Variants in LRRTM3 observed in about 807,000 individuals in gnomAD.
The protein encoded by LRRTM3 is leucine rich repeat transmembrane neuronal 3.
Under a neutral mutation model 44.7 loss-of-function variants are expected in LRRTM3, and 24 were observed. That is an observed-to-expected ratio of 0.54 (90% CI 0.39 to 0.76). The LOEUF (loss-of-function observed/expected upper bound fraction) is 0.76. Among genes scored for constraint, LRRTM3 ranks in the 30% least tolerant of loss-of-function variants. The probability of loss-of-function intolerance (pLI) is 0.00; values close to 1 mark genes in which losing one functional copy is unlikely to be tolerated. For synonymous variants in LRRTM3, 277 were observed against 278.7 expected (o/e 0.99, Z 0.06); for missense variants, 587 against 702.2 (o/e 0.84, Z 1.85).
intron 2 of LRRTM3, among the ~76,000 whole-genome samples, chr10:66,975,925 T>C (rs2132850890): frequency 6.6e-6 from 1 of 152,352 alleles, no homozygotes; most frequent in East Asian, 1.9e-4. Flanking sequence ...ATAAAAGTCA[T>C]TTATTCTAAA....
chr10:67,075,707 A>G (rs1195015016), intron 2 of LRRTM3, among the ~76,000 whole-genome samples: 4 of 152,248 alleles, frequency 2.6e-5, no homozygotes, highest in Non-Finnish European at 5.9e-5. Context: ...TGCATTGAAT[A>G]TGAACTGAAC....
chr10:67,086,947 G>A (rs1857345948), intron 2 of LRRTM3, among the ~76,000 whole-genome samples: 2 of 151,764 alleles, frequency 1.3e-5, no homozygotes, highest in African/African-American at 4.8e-5. Context: ...AATTTCCAAG[G>A]GGATTAAAAA....
chr10:67,005,597 A>G (rs1207081755), intron 2 of LRRTM3, among the ~76,000 whole-genome samples: 1 of 151,720 alleles, frequency 6.6e-6, no homozygotes, highest in Non-Finnish European at 1.5e-5. Context: ...GAATCGGAAA[A>G]AAAGGTATGT....
intron 2 of LRRTM3, among the ~76,000 whole-genome samples, chr10:67,023,462 A>G (rs1286175454): frequency 6.6e-6 from 1 of 152,132 alleles, no homozygotes; most frequent in African/African-American, 2.4e-5. Context: ...TCTATAGAGA[A>G]CGATGACTAA....
At chr10:66,950,007 C>T (rs928471640) in intron 2 of LRRTM3, among the ~76,000 whole-genome samples, 3 of 152,148 alleles carry the variant, frequency 2.0e-5, no homozygotes, top group African/African-American at 7.2e-5. Context: ...CTGGGCTCAA[C>T]CTAGTCTTTC....
intron 2 of LRRTM3, among the ~76,000 whole-genome samples, chr10:66,941,512 C>A (rs576001279): frequency 6.6e-6 from 1 of 152,214 alleles, no homozygotes; most frequent in Non-Finnish European, 1.5e-5. Context: ...TCTTTCCTTT[C>A]AACTGTATGG....
intron 2 of LRRTM3, among the ~76,000 whole-genome samples, chr10:67,005,836 C>G (rs1851954020): frequency 6.6e-6 from 1 of 151,428 alleles, no homozygotes; most frequent in Non-Finnish European, 1.5e-5. Context: ...CAGGTGCATG[C>G]CACTATGCCT....
chr10:66,989,988 AT>A (rs528499312), intron 2 of LRRTM3, among the ~76,000 whole-genome samples: 8 of 152,148 alleles, frequency 5.3e-5, no homozygotes, highest in Non-Finnish European at 1.0e-4. Context: ...TTATACACAC[AT>A]TTTCAGGCAC....
At chr10:66,972,155 C>T (rs961810110) in intron 2 of LRRTM3, among the ~76,000 whole-genome samples, 3 of 152,136 alleles carry the variant, frequency 2.0e-5, no homozygotes, top group Admixed American at 6.5e-5. Context: ...AAATTAACAA[C>T]ATATAGTCAA....
intron 2 of LRRTM3, among the ~76,000 whole-genome samples, chr10:66,969,548 A>C (rs2132818762): frequency 6.6e-6 from 1 of 152,288 alleles, no homozygotes; most frequent in South Asian, 2.1e-4. Context: ...CTGCATCAAA[A>C]GGACAGATTT....
intron 2 of LRRTM3, among the ~76,000 whole-genome samples, chr10:67,007,412 A>C (rs1040655741): frequency 3.5e-4 from 53 of 149,584 alleles, no homozygotes; most frequent in African/African-American, 1.2e-3. Flanking sequence ...TTTTTTTTTT[A>C]ACATAAAATA....
intron 2 of LRRTM3, among the ~76,000 whole-genome samples, chr10:66,938,222 A>G (rs1847818813): frequency 6.6e-6 from 1 of 152,122 alleles, no homozygotes; most frequent in Non-Finnish European, 1.5e-5. Context: ...CTTCTCATTT[A>G]CCATTTAACG....
At chr10:66,944,890 C>CT (rs945450316) in intron 2 of LRRTM3, among the ~76,000 whole-genome samples, 9 of 152,182 alleles carry the variant, frequency 5.9e-5, no homozygotes, top group East Asian at 1.9e-4. Flanking sequence ...TGAAAGGAAT[C>CT]TTTTTTTAGC....
chr10:67,014,428 C>A (rs1213003186), intron 2 of LRRTM3, among the ~76,000 whole-genome samples: 1 of 152,102 alleles, frequency 6.6e-6, no homozygotes, highest in East Asian at 1.9e-4. Context: ...TAAGAAATAT[C>A]TTTATCTGGG....
chr10:66,928,551 C>T, intron 2 of LRRTM3, 99 bp downstream of exon 2: 1 of 1,104,760 alleles, frequency 9.1e-7, no homozygotes, highest in Non-Finnish European at 1.3e-6. Flanking sequence ...TGCCCCCCCT[C>T]CCCTTCCCTC....
rs550186202 is a variant in LRRTM3 at position 66,949,489 on chromosome 10, C to T, written c.1536+21037C>T. Reference sequence around the variant, plus strand: ...AGGAGAATTGCTTGAACCCAGGAGGCGGAGGTTGCAGTGAGCCAAGATCGC... The same window carrying T: ...AGGAGAATTGCTTGAACCCAGGAGGTGGAGGTTGCAGTGAGCCAAGATCGC... On this transcript the variant is annotated intron_variant, in intron 2 of 2. Transcript: ENST00000361320. Among the ~76,000 whole-genome samples, 9 of 151,598 alleles carry T rather than the reference C, an allele frequency of 5.9e-5. No homozygotes were observed. The South Asian group carries it at 1.7e-3, about 28-fold the overall frequency.
At chr10:66,962,166 T>G (rs1453635310) in intron 2 of LRRTM3, among the ~76,000 whole-genome samples, 3 of 152,130 alleles carry the variant, frequency 2.0e-5, no homozygotes, top group Admixed American at 6.5e-5. Context: ...AACCCTCTAG[T>G]GACATCCCCC....
At chr10:67,016,029 T>G (rs201688618) in intron 2 of LRRTM3, among the ~76,000 whole-genome samples, 44 of 76,446 alleles carry the variant, frequency 5.8e-4, no homozygotes, top group Non-Finnish European at 1.2e-3. Context: ...TGCTGTATAC[T>G]CTCTTCTTTG....
chr10:67,000,431 G>A (rs191446139), intron 2 of LRRTM3, among the ~76,000 whole-genome samples: 3 of 152,278 alleles, frequency 2.0e-5, no homozygotes, highest in Non-Finnish European at 2.9e-5. Flanking sequence ...TTATTGTGAT[G>A]ATGTTGACTG....
Sources: gnomAD v4.1 joint callset for allele counts (sites outside exome capture counted in the v4.1 genomes callset) on GRCh38, gnomAD v4.1.1 for gene constraint, MANE v1.5 for transcripts, NCBI Gene and HGNC (gene_info 2026-07-23, HGNC 2026-07-21) for gene names.